The following WDPCP variants were observed in gnomAD, a reference collection of about 807,000 sequenced individuals.
WDPCP encodes the protein WD repeat containing planar cell polarity effector, also known as WD repeat-containing and planar cell polarity effector protein fritz homolog.
WDPCP carries 71 observed loss-of-function variants against 93.1 expected under a neutral mutation model. The observed-to-expected ratio is 0.76, with a 90% confidence interval of 0.63 to 0.93. WDPCP has a LOEUF of 0.93. WDPCP is among the 40% of genes least tolerant of loss of function. The probability of loss-of-function intolerance (pLI) is 0.00; values close to 1 mark genes in which losing one functional copy is unlikely to be tolerated. For missense variants in WDPCP, 844 were observed against 887.4 expected (o/e 0.95, Z 0.62); for synonymous variants, 315 against 315.0 (o/e 1.00, Z 0.00).
At chr2:63,589,120 A>C (rs1440140290), upstream of WDPCP, 8 of 1,613,786 alleles carry the variant, frequency 5.0e-6, no homozygotes, top group Non-Finnish European at 6.8e-6. Context: ...CACTTTAGGG[A>C]CTTTTGGGAG....
chr2:63,616,341 GA>G (rs952902264), intron 3 of WDPCP, among the ~76,000 whole-genome samples: 17 of 152,162 alleles, frequency 1.1e-4, no homozygotes, highest in African/African-American at 4.1e-4. Context: ...TTTTAGGAAA[GA>G]AAAGGTCTGT....
chr2:63,747,521 C>T (rs915256869), intron 2 of WDPCP, among the ~76,000 whole-genome samples: 4 of 151,468 alleles, frequency 2.6e-5, no homozygotes, highest in African/African-American at 9.7e-5. Context: ...TTATCCAGTA[C>T]CATTTATTGA....
At chr2:63,757,898 G>C (rs1049480720) in intron 2 of WDPCP, among the ~76,000 whole-genome samples, 3 of 152,162 alleles carry the variant, frequency 2.0e-5, no homozygotes, top group South Asian at 4.1e-4. Context: ...GCTAACCTGA[G>C]TTCTGAATGT....
upstream of WDPCP, among the ~76,000 whole-genome samples, chr2:63,828,749 G>GC (rs1167126460): frequency 6.6e-6 from 1 of 151,980 alleles, no homozygotes; most frequent in Non-Finnish European, 1.5e-5. Context: ...TATTTCTTTT[G>GC]CTTTGTCTTC....
At chr2:63,638,797 G>GAA (rs575796116) in intron 3 of WDPCP, among the ~76,000 whole-genome samples, 2 of 116,696 alleles carry the variant, frequency 1.7e-5, no homozygotes, top group Admixed American at 8.5e-5. Flanking sequence ...TCGAAAAAAA[G>GAA]AAAAAAAAAA....
At chr2:63,132,951 T>C (rs1429067238) in intron 17 of WDPCP, among the ~76,000 whole-genome samples, 4 of 152,196 alleles carry the variant, frequency 2.6e-5, no homozygotes, top group East Asian at 1.9e-4. Flanking sequence ...ACAATAGTTA[T>C]GTTGGGGATT....
chr2:63,593,324 C>A (rs1258911872), upstream of WDPCP: 5 of 281,776 alleles, frequency 1.8e-5, no homozygotes, highest in Non-Finnish European at 2.9e-5. Flanking sequence ...AAACTCCCAA[C>A]CTCAGGTGAT....
At chr2:63,556,605 G>C (rs542664905) in intron 1 of WDPCP, among the ~76,000 whole-genome samples, 5 of 152,312 alleles carry the variant, frequency 3.3e-5, no homozygotes, top group Admixed American at 3.3e-4. Context: ...CTGTGCCCTT[G>C]CTGAAGAGGT....
intron 15 of WDPCP, among the ~76,000 whole-genome samples, chr2:63,166,645 A>AGCCT (rs1292743888): frequency 3.4e-5 from 5 of 146,170 alleles, no homozygotes; most frequent in Admixed American, 2.7e-4. Flanking sequence ...TGCCTGCCTC[A>AGCCT]GCCTCCCTAA....
chr2:63,734,966 T>TA (rs1669618644), intron 2 of WDPCP, among the ~76,000 whole-genome samples: 3 of 152,132 alleles, frequency 2.0e-5, no homozygotes, highest in Admixed American at 2.0e-4. Flanking sequence ...GCCCTGTGAG[T>TA]GGTTCTAATT....
At chr2:63,555,339 G>A (rs1558801055) in intron 1 of WDPCP, among the ~76,000 whole-genome samples, 1 of 152,172 alleles carries the variant, frequency 6.6e-6, no homozygotes, top group Non-Finnish European at 1.5e-5. Context: ...CAGAACTCTG[G>A]TCTCCCTGGG....
intron 1 of WDPCP, among the ~76,000 whole-genome samples, chr2:63,541,831 A>G (rs531169427): frequency 6.6e-6 from 1 of 152,254 alleles, no homozygotes; most frequent in Admixed American, 6.5e-5. Context: ...TAGCAATCCC[A>G]TTACCTTAAT....
upstream of WDPCP, among the ~76,000 whole-genome samples, chr2:63,830,440 T>C (rs920723033): frequency 1.3e-5 from 2 of 152,134 alleles, no homozygotes; most frequent in Admixed American, 1.3e-4. Flanking sequence ...TTTATCCTCA[T>C]CCCTAAATGT....
intron 2 of WDPCP, among the ~76,000 whole-genome samples, chr2:63,690,040 G>A (rs1358270198): frequency 6.6e-6 from 1 of 152,178 alleles, no homozygotes; most frequent in East Asian, 1.9e-4. Flanking sequence ...ACCCCTGAAT[G>A]AGTGTTTAAA....
intron 13 of WDPCP, among the ~76,000 whole-genome samples, chr2:63,268,186 C>T (rs1013332114): frequency 2.6e-5 from 4 of 151,922 alleles, no homozygotes; most frequent in African/African-American, 9.7e-5. Context: ...ATGGATGGAA[C>T]TAGAGGACAT....
rs570417034 is a variant in WDPCP at position 63,395,696 on chromosome 2, A to G, written c.1435+8352T>C. ...CTATATTATGATTGTGGTGGTAATC[A>G]TGAGGGTATATACATTTGTCAAAAC... On this transcript the variant is annotated intron_variant, in intron 10 of 17. Transcript: ENST00000272321. Among the ~76,000 whole-genome samples, 4 of 152,278 alleles carry G rather than the reference A, an allele frequency of 2.6e-5. No individual in the cohort carries two copies. In the East Asian group the frequency reaches 7.7e-4, roughly 29 times the overall value.
chr2:63,568,196 A>T (rs1707217170), intron 1 of WDPCP, among the ~76,000 whole-genome samples: 1 of 152,240 alleles, frequency 6.6e-6, no homozygotes, highest in Non-Finnish European at 1.5e-5. Flanking sequence ...CTAAACAAAC[A>T]TGAGAGAGCT....
chr2:63,642,454 C>A (rs1231344809), intron 3 of WDPCP: 2 of 82,326 alleles, frequency 2.4e-5, no homozygotes, highest in African/African-American at 1.1e-4. Context: ...CATGAAGTAT[C>A]TTTTCTTTCT....
At chr2:63,711,449 T>C (rs1461252674) in intron 2 of WDPCP, 3 of 152,112 alleles carry the variant, frequency 2.0e-5, no homozygotes, top group African/African-American at 7.2e-5. Flanking sequence ...AATCTGGGAA[T>C]AAATGGGTTA....
Sources: gnomAD v4.1 joint callset for allele counts (sites outside exome capture counted in the v4.1 genomes callset) on GRCh38, gnomAD v4.1.1 for gene constraint, MANE v1.5 for transcripts, NCBI Gene and HGNC (gene_info 2026-07-23, HGNC 2026-07-21) for gene names.